NFIB: variants seen among roughly 807,000 people sequenced by gnomAD.
NFIB encodes nuclear factor 1 B-type.
In NFIB, 11 loss-of-function variants were observed where a neutral mutation model predicts 61.5. The observed-to-expected ratio is 0.18, with a 90% CI of 0.11 to 0.30. The LOEUF (loss-of-function observed/expected upper bound fraction) is 0.30, where lower values mean the gene tolerates loss of function less well. Among genes scored for constraint, NFIB ranks in the 10% least tolerant of loss-of-function variants. NFIB has a pLI of 1.00. For synonymous variants in NFIB, 260 were observed against 216.5 expected (o/e 1.20, Z -1.76); for missense variants, 471 against 608.9 (o/e 0.77, Z 2.38).
intron 2 of NFIB, among the ~76,000 whole-genome samples, chr9:14,262,454 G>A (rs1465952526): frequency 6.6e-6 from 1 of 152,178 alleles, no homozygotes; most frequent in Non-Finnish European, 1.5e-5. Flanking sequence ...CAGCTATGAT[G>A]TAATGTATCA....
the NFIB span, among the ~76,000 whole-genome samples, chr9:14,422,262 G>A: frequency 6.6e-6 from 1 of 152,126 alleles, no homozygotes. Flanking sequence ...CCAGATGTTA[G>A]GCCTCTGGTT....
chr9:14,439,149 T>A, the NFIB span, among the ~76,000 whole-genome samples: 1 of 151,994 alleles, frequency 6.6e-6, no homozygotes, highest in Non-Finnish European at 1.5e-5. Flanking sequence ...GACAAGAGGA[T>A]CATTTGAGGC....
intron 10 of NFIB, among the ~76,000 whole-genome samples, chr9:14,103,819 T>C (rs1353584403): frequency 4.6e-5 from 7 of 152,190 alleles, no homozygotes; most frequent in African/African-American, 1.7e-4. Flanking sequence ...TCCCTGCATA[T>C]ACATAGATAG....
intron 2 of NFIB, among the ~76,000 whole-genome samples, chr9:14,227,199 CAT>C (rs1423450873): frequency 1.3e-5 from 2 of 148,260 alleles, no homozygotes; most frequent in South Asian, 2.2e-4. Flanking sequence ...ATATTCTAAA[CAT>C]GTGCAGAAAA....
the NFIB span, among the ~76,000 whole-genome samples, chr9:14,463,659 C>CTTT: frequency 7.6e-5 from 5 of 65,822 alleles, no homozygotes; most frequent in Admixed American, 2.3e-4. Context: ...ATTTGATTTT[C>CTTT]TTTTTTTTTT....
intron 2 of NFIB, among the ~76,000 whole-genome samples, chr9:14,239,725 C>T (rs1196769504): frequency 6.6e-6 from 1 of 152,034 alleles, no homozygotes; most frequent in South Asian, 2.1e-4. Flanking sequence ...AGAGAAGCTT[C>T]GAAACAGGAA....
At chr9:14,294,861 C>T (rs1032284102) in intron 2 of NFIB, among the ~76,000 whole-genome samples, 12 of 152,158 alleles carry the variant, frequency 7.9e-5, no homozygotes, top group African/African-American at 2.9e-4. Context: ...TGGATATGAG[C>T]TAATCTCTCC....
At chr9:14,448,897 G>A in the NFIB span, among the ~76,000 whole-genome samples, 1 of 152,168 alleles carries the variant, frequency 6.6e-6, no homozygotes, top group Non-Finnish European at 1.5e-5. Flanking sequence ...GCATAAGTGA[G>A]GATTGGGAGA....
chr9:14,203,328 A>G (rs964192340), intron 2 of NFIB, among the ~76,000 whole-genome samples: 2 of 152,178 alleles, frequency 1.3e-5, no homozygotes, highest in Non-Finnish European at 2.9e-5. Context: ...TGTTTCATAA[A>G]CTGTACTCTT....
chr9:14,278,486 G>C (rs535446203), intron 2 of NFIB, among the ~76,000 whole-genome samples: 1 of 152,260 alleles, frequency 6.6e-6, no homozygotes, highest in South Asian at 2.1e-4. Context: ...GAAATCAAAA[G>C]CAACAGTGTA....
At chr9:14,398,714 C>A (rs926997104) in exon 1 of NFIB, 5 of 969,162 alleles carry the variant, frequency 5.2e-6, no homozygotes, top group Admixed American at 2.7e-5. Context: ...TCCAGGTCAC[C>A]GAGTACCTTA....
intron 2 of NFIB, among the ~76,000 whole-genome samples, chr9:14,234,496 A>C (rs1459554813): frequency 2.0e-5 from 3 of 151,538 alleles, no homozygotes; most frequent in African/African-American, 7.3e-5. Context: ...TAGCCTCCTG[A>C]GTAGCTGGGA....
chr9:14,455,797 A>C, the NFIB span, among the ~76,000 whole-genome samples: 1 of 152,350 alleles, frequency 6.6e-6, no homozygotes, highest in African/African-American at 2.4e-5. Flanking sequence ...AAAATTCTAA[A>C]TTCACTTGGA....
the NFIB span, among the ~76,000 whole-genome samples, chr9:14,473,803 A>G: frequency 1.3e-5 from 2 of 152,164 alleles, no homozygotes; most frequent in Non-Finnish European, 2.9e-5. Context: ...TTATGTCTCC[A>G]CTTTTGCTGA....
intron 1 of NFIB, among the ~76,000 whole-genome samples, chr9:14,389,753 C>T (rs981920802): frequency 6.6e-6 from 1 of 152,062 alleles, no homozygotes; most frequent in African/African-American, 2.4e-5. Flanking sequence ...ATTTCCACCC[C>T]CAAAGACTCT....
At chr9:14,273,886 C>T (rs765130668) in intron 2 of NFIB, among the ~76,000 whole-genome samples, 68 of 152,074 alleles carry the variant, frequency 4.5e-4, no homozygotes, top group Non-Finnish European at 7.8e-4. Context: ...TTGGTGCCCC[C>T]GAAATTGTTC....
At chr9:14,337,422 G>C (rs993908175) in intron 1 of NFIB, among the ~76,000 whole-genome samples, 1 of 152,230 alleles carries the variant, frequency 6.6e-6, no homozygotes, top group African/African-American at 2.4e-5. Context: ...GCAAGGAAAT[G>C]ATGGTGAGAA....
At position 14,125,675 on chromosome 9, in the gene NFIB, G is replaced by A. The variant is rs763862945; in HGVS notation, c.1017C>T (p.Phe339=). Residue 339 remains phenylalanine, a synonymous_variant, in exon 7 of 11, where the codon TTC becomes TTT. Coordinates refer to ENST00000380953, the MANE Select transcript of NFIB (RefSeq NM_001190737.2). ...GTATTCCGGGATGGTGGTGCTGGGGGAAAGTGCTCAGTCTTGGGGAAGAAT... is the reference window on the plus strand; with the variant it reads ...GTATTCCGGGATGGTGGTGCTGGGGAAAAGTGCTCAGTCTTGGGGAAGAAT... ...PQDSSPRLST[F]PQHHHPGIPG... The A allele has an allele frequency of 8.0e-5, 129 of 1,614,038 alleles. No homozygotes were observed. Among genetic ancestry groups the A allele is most frequent in the Non-Finnish European group, 2.5e-6 (3 of 1,180,026 alleles).
At chr9:14,281,497 T>C (rs1424214101) in intron 2 of NFIB, among the ~76,000 whole-genome samples, 2 of 152,168 alleles carry the variant, frequency 1.3e-5, no homozygotes, top group East Asian at 3.8e-4. Flanking sequence ...TGTAGAGAAA[T>C]GACTTTACCC....
Sources: gnomAD v4.1 joint callset for allele counts (sites outside exome capture counted in the v4.1 genomes callset) on GRCh38, gnomAD v4.1.1 for gene constraint, MANE v1.5 for transcripts, NCBI Gene and HGNC (gene_info 2026-07-23, HGNC 2026-07-21) for gene names.